CADM2: variants seen among roughly 807,000 people sequenced by gnomAD.
The protein encoded by CADM2 is immunoglobulin superfamily member 4D.
In CADM2, 12 loss-of-function variants were observed where a neutral mutation model predicts 49.8. The observed-to-expected ratio is 0.24, with a 90% CI of 0.15 to 0.39. The LOEUF is 0.39. Among genes scored for constraint, CADM2 ranks in the 10% least tolerant of loss-of-function variants. The pLI, the probability that CADM2 is intolerant of heterozygous loss-of-function variation, is 1.00. For missense variants in CADM2, 378 were observed against 492.3 expected, an observed-to-expected ratio of 0.77 and a Z score of 2.20; for synonymous variants, 214 against 175.4, an observed-to-expected ratio of 1.22 and a Z score of -1.74.
chr3:85,866,177 G>A (rs538262015), intron 3 of CADM2, among the ~76,000 whole-genome samples: 4 of 152,134 alleles, frequency 2.6e-5, no homozygotes, highest in South Asian at 2.1e-4. Flanking sequence ...ACCCCGAAGT[G>A]GACAAATTTT....
At chr3:85,446,391 A>C (rs1158347938) in intron 1 of CADM2, among the ~76,000 whole-genome samples, 1 of 152,170 alleles carries the variant, frequency 6.6e-6, no homozygotes, top group Non-Finnish European at 1.5e-5. Context: ...AAGCAAGACC[A>C]TGGTCAATAG....
At chr3:85,674,630 A>G (rs1396600813) in intron 1 of CADM2, among the ~76,000 whole-genome samples, 1 of 152,202 alleles carries the variant, frequency 6.6e-6, no homozygotes, top group East Asian at 1.9e-4. Context: ...AAAATCATTA[A>G]TTCATTTCTC....
chr3:85,952,647 T>G (rs1318689485), intron 7 of CADM2, among the ~76,000 whole-genome samples: 2 of 150,952 alleles, frequency 1.3e-5, no homozygotes, highest in East Asian at 2.0e-4. Context: ...TTGCACCTGT[T>G]GTACAGACTA....
intron 1 of CADM2, among the ~76,000 whole-genome samples, chr3:85,502,596 T>C (rs2107667652): frequency 6.6e-6 from 1 of 152,290 alleles, no homozygotes; most frequent in East Asian, 1.9e-4. Context: ...TACCAAATTT[T>C]CAACAGGAGT....
At chr3:85,001,921 T>A (rs1000106625) in intron 1 of CADM2, among the ~76,000 whole-genome samples, 35 of 152,264 alleles carry the variant, frequency 2.3e-4, no homozygotes, top group African/African-American at 7.9e-4. Context: ...TGATTAATAG[T>A]TGCAGAGAAA....
At chr3:86,027,284 T>G (rs1247324692) in intron 8 of CADM2, among the ~76,000 whole-genome samples, 1 of 152,212 alleles carries the variant, frequency 6.6e-6, no homozygotes, top group Non-Finnish European at 1.5e-5. Context: ...CTGTTAAATT[T>G]AAAACATATT....
At chr3:85,639,133 T>G (rs933763462) in intron 1 of CADM2, among the ~76,000 whole-genome samples, 34 of 152,196 alleles carry the variant, frequency 2.2e-4, no homozygotes, top group Non-Finnish European at 2.1e-4. Flanking sequence ...TTATTTTAAA[T>G]TTATTAACTT....
chr3:85,479,944 C>T (rs990770187), intron 1 of CADM2, among the ~76,000 whole-genome samples: 3 of 151,828 alleles, frequency 2.0e-5, no homozygotes, highest in Non-Finnish European at 4.4e-5. Context: ...TGGTTTACCA[C>T]GTAACTTTCT....
intron 1 of CADM2, among the ~76,000 whole-genome samples, chr3:85,700,021 A>G (rs1240736183): frequency 2.0e-5 from 3 of 152,186 alleles, no homozygotes; most frequent in Non-Finnish European, 4.4e-5. Context: ...ATCTACTATA[A>G]AGACACATGC....
chr3:85,291,856 G>A (rs1012196808), intron 1 of CADM2, among the ~76,000 whole-genome samples: 7 of 149,314 alleles, frequency 4.7e-5, no homozygotes, highest in African/African-American at 7.7e-5. Flanking sequence ...AAAGACCATC[G>A]AGACTAGGAA....
intron 8 of CADM2, among the ~76,000 whole-genome samples, chr3:86,049,374 A>C (rs932696309): frequency 6.6e-6 from 1 of 150,588 alleles, no homozygotes; most frequent in Non-Finnish European, 1.5e-5. Flanking sequence ...TCCCAGGTTC[A>C]CGCCATCCTC....
At chr3:85,993,921 T>C (rs1006312695) in intron 8 of CADM2, 1 of 152,060 alleles carries the variant, frequency 6.6e-6, no homozygotes, top group Non-Finnish European at 1.5e-5. Context: ...AGATTAGATA[T>C]AGTATATTTA....
intron 1 of CADM2, among the ~76,000 whole-genome samples, chr3:85,007,366 T>C (rs1358213059): frequency 6.6e-6 from 1 of 152,150 alleles, no homozygotes; most frequent in Non-Finnish European, 1.5e-5. Context: ...CTACTCATTG[T>C]TGCATAACAG....
intron 8 of CADM2, among the ~76,000 whole-genome samples, chr3:86,032,697 C>T (rs1734697423): frequency 6.6e-6 from 1 of 151,834 alleles, no homozygotes. Context: ...TAGAACTACA[C>T]TTTGAAATGA....
At chr3:85,575,864 T>G (rs2062618294) in intron 1 of CADM2, among the ~76,000 whole-genome samples, 1 of 152,180 alleles carries the variant, frequency 6.6e-6, no homozygotes, top group Non-Finnish European at 1.5e-5. Context: ...TGCAAATTAT[T>G]CAGCATAGAA....
chr3:85,009,906 A>ATAC (rs1559614922), intron 1 of CADM2, among the ~76,000 whole-genome samples: 2 of 146,696 alleles, frequency 1.4e-5, no homozygotes, highest in African/African-American at 5.1e-5. Flanking sequence ...TAAATAAATA[A>ATAC]ATATTTTAAA....
intron 4 of CADM2, among the ~76,000 whole-genome samples, chr3:85,885,680 C>CA (rs1230774557): frequency 0.53 from 46,122 of 86,348 alleles, 12,069 homozygotes; most frequent in East Asian, 0.71. Context: ...GACTCTATCT[C>CA]AAAAAAAAAA....
intron 2 of CADM2, among the ~76,000 whole-genome samples, chr3:85,788,038 T>C (rs2071099383): frequency 6.6e-6 from 1 of 152,170 alleles, no homozygotes; most frequent in Non-Finnish European, 1.5e-5. Context: ...TTTCTCGCCA[T>C]TTAACTAAGT....
chr3:85,071,918 A>G (rs954894490), intron 1 of CADM2, among the ~76,000 whole-genome samples: 1 of 151,398 alleles, frequency 6.6e-6, no homozygotes, highest in Admixed American at 6.6e-5. Context: ...TATTTTTATC[A>G]CCACAGTCAT....
Sources: allele counts gnomAD v4.1 joint callset (sites outside exome capture counted in the v4.1 genomes callset), GRCh38; gene constraint gnomAD v4.1.1; transcripts MANE v1.5; gene names NCBI Gene and HGNC (gene_info 2026-07-23, HGNC 2026-07-21).